The following MAP3K5 variants were observed in gnomAD, a reference collection of about 807,000 sequenced individuals.
The protein encoded by MAP3K5 is mitogen-activated protein kinase kinase kinase 5.
In MAP3K5, 56 loss-of-function variants were observed where a neutral mutation model predicts 158.7. The observed-to-expected ratio is 0.35, with a 90% CI of 0.28 to 0.44. The LOEUF (loss-of-function observed/expected upper bound fraction) is 0.44. Among genes scored for constraint, MAP3K5 ranks in the 20% least tolerant of loss-of-function variants. The pLI is 1.00. For missense variants in MAP3K5, 1,294 were observed against 1,674.8 expected, an observed-to-expected ratio of 0.77 and a Z score of 3.97; for synonymous variants, 579 against 601.7, an observed-to-expected ratio of 0.96 and a Z score of 0.55.
intron 22 of MAP3K5, 46 bp downstream of exon 22, chr6:136,592,391 C>T: frequency 6.3e-7 from 1 of 1,599,996 alleles, no homozygotes; most frequent in Non-Finnish European, 8.5e-7. Flanking sequence ...TAAAATGACA[C>T]ACTTAACAAC....
chr6:136,750,454 T>A (rs529550192), intron 1 of MAP3K5, among the ~76,000 whole-genome samples: 2 of 152,316 alleles, frequency 1.3e-5, no homozygotes, highest in Admixed American at 6.5e-5. Flanking sequence ...AGACCATAAA[T>A]ACCTCTTCTC....
At chr6:136,644,463 C>T (rs1400408704) in intron 11 of MAP3K5, among the ~76,000 whole-genome samples, 1 of 152,208 alleles carries the variant, frequency 6.6e-6, no homozygotes, top group African/African-American at 2.4e-5. Context: ...CAAACCAACA[C>T]TCAACCTAAT....
rs1777239435 is a variant in MAP3K5 at position 136,629,766 on chromosome 6, CA to C, written c.2017-6786del. Among the ~76,000 whole-genome samples, 147 of 148,244 alleles carry C rather than the reference CA, an allele frequency of 9.9e-4. 4 individuals are homozygous for C. Among genetic ancestry groups the C allele is most frequent in the African/African-American group, 2.6e-3 (102 of 39,460 alleles). On this transcript the variant is annotated intron_variant, in intron 14 of 29. Coordinates refer to ENST00000359015, the MANE Select transcript of MAP3K5 (RefSeq NM_005923.4). ...ATGGCGCCCGGCCATATCTCACCTT[CA>C]TTTATTTATTTATTTATTTATTTAT... is the stretch of plus-strand genomic sequence containing the variant.
intron 25 of MAP3K5, among the ~76,000 whole-genome samples, chr6:136,578,618 C>T (rs1774725642): frequency 6.6e-6 from 1 of 151,534 alleles, no homozygotes; most frequent in Non-Finnish European, 1.5e-5. Context: ...AAGGTGCAAG[C>T]CACAGGACAG....
intron 1 of MAP3K5, among the ~76,000 whole-genome samples, chr6:136,733,291 T>C (rs6570095): frequency 0.5 from 76,251 of 151,952 alleles, 19,482 homozygotes; most frequent in African/African-American, 0.59. Flanking sequence ...AGCCACCACG[T>C]CCAGCTTCAA....
chr6:136,766,387 T>A (rs1783970266), intron 1 of MAP3K5, among the ~76,000 whole-genome samples: 2 of 152,202 alleles, frequency 1.3e-5, no homozygotes, highest in African/African-American at 4.8e-5. Context: ...GCCAAGTAGG[T>A]CAAGGCTGTG....
chr6:136,594,429 G>T (rs1226837426), intron 21 of MAP3K5, among the ~76,000 whole-genome samples: 7 of 152,182 alleles, frequency 4.6e-5, no homozygotes, highest in Non-Finnish European at 8.8e-5. Context: ...GCTATTTGGG[G>T]GGAACGGACT....
intron 17 of MAP3K5, among the ~76,000 whole-genome samples, chr6:136,611,980 C>T (rs921001587): frequency 6.6e-6 from 1 of 152,158 alleles, no homozygotes; most frequent in African/African-American, 2.4e-5. Flanking sequence ...TTCTCCATTT[C>T]TGACTATCAG....
At chr6:136,740,725 T>TA (rs1245286395) in intron 1 of MAP3K5, among the ~76,000 whole-genome samples, 4 of 152,262 alleles carry the variant, frequency 2.6e-5, no homozygotes, top group Non-Finnish European at 1.5e-5. Context: ...AGTGAGTTTT[T>TA]ATGTTAGCTT....
chr6:136,593,788 A>T (rs1775502894), intron 21 of MAP3K5: 1 of 401,412 alleles, frequency 2.5e-6, no homozygotes, highest in Non-Finnish European at 4.8e-6. Flanking sequence ...ATGCTACAAA[A>T]GCATTTTAAT....
chr6:136,629,766 CATTTATTTATTTATTTATTT>C (rs56675510), intron 14 of MAP3K5, among the ~76,000 whole-genome samples: 12 of 148,228 alleles, frequency 8.1e-5, no homozygotes, highest in East Asian at 3.9e-4. Flanking sequence ...ATCTCACCTT[CATTTATTTATTTATTTATTT>C]ATTTATTTAT....
At chr6:136,604,239 T>C (rs1327832836) in intron 19 of MAP3K5, among the ~76,000 whole-genome samples, 1 of 151,704 alleles carries the variant, frequency 6.6e-6, no homozygotes, top group Non-Finnish European at 1.5e-5. Flanking sequence ...CGAGAATTGC[T>C]TGAACTCAGG....
At chr6:136,734,030 C>T (rs1240247057) in intron 1 of MAP3K5, among the ~76,000 whole-genome samples, 2 of 152,118 alleles carry the variant, frequency 1.3e-5, no homozygotes, top group Non-Finnish European at 2.9e-5. Flanking sequence ...AGCAATACAA[C>T]AGGTCAATGA....
intron 14 of MAP3K5, among the ~76,000 whole-genome samples, chr6:136,636,166 C>A (rs900484082): frequency 6.6e-6 from 1 of 151,424 alleles, no homozygotes; most frequent in Admixed American, 6.6e-5. Context: ...GGAGGTGAGG[C>A]CTTTGGGAGG....
intron 11 of MAP3K5, among the ~76,000 whole-genome samples, chr6:136,647,153 C>A (rs1022807646): frequency 2.0e-5 from 3 of 152,102 alleles, no homozygotes; most frequent in Non-Finnish European, 4.4e-5. Context: ...TAGCTAGTTC[C>A]TCTAACAGTC....
intron 25 of MAP3K5, among the ~76,000 whole-genome samples, chr6:136,575,060 G>C (rs868593168): frequency 1.3e-5 from 2 of 151,994 alleles, no homozygotes; most frequent in African/African-American, 4.8e-5. Flanking sequence ...AAATAGTGCA[G>C]AGAGTTCCTG....
intron 14 of MAP3K5, among the ~76,000 whole-genome samples, chr6:136,630,056 C>T (rs1777266368): frequency 6.6e-6 from 1 of 152,064 alleles, no homozygotes; most frequent in African/African-American, 2.4e-5. Context: ...CGGCCTAAAT[C>T]TTACCTTCTT....
At chr6:136,689,611 T>C (rs756724017) in intron 7 of MAP3K5, among the ~76,000 whole-genome samples, 1 of 152,222 alleles carries the variant, frequency 6.6e-6, no homozygotes, top group Non-Finnish European at 1.5e-5. Flanking sequence ...TTAATGCTGT[T>C]ACATCAGAAA....
At chr6:136,631,637 A>G (rs78758607) in intron 14 of MAP3K5, among the ~76,000 whole-genome samples, 1 of 151,546 alleles carries the variant, frequency 6.6e-6, no homozygotes, top group Non-Finnish European at 1.5e-5. Context: ...TATGGATTGG[A>G]GGCCTTCTCC....
Sources: gnomAD v4.1 joint callset for allele counts (sites outside exome capture counted in the v4.1 genomes callset) on GRCh38, gnomAD v4.1.1 for gene constraint, MANE v1.5 for transcripts, NCBI Gene and HGNC (gene_info 2026-07-23, HGNC 2026-07-21) for gene names.